ZCCHC24: variants seen among roughly 807,000 people sequenced by gnomAD.
ZCCHC24 encodes zinc finger CCHC domain-containing protein 24.
A neutral mutation model predicts 26.2 loss-of-function variants in ZCCHC24; 10 were observed. That is an observed-to-expected ratio of 0.38 (90% CI 0.24 to 0.65). The LOEUF (loss-of-function observed/expected upper bound fraction) is 0.65, where lower values mean the gene tolerates loss of function less well. ZCCHC24 is among the 30% of genes least tolerant of loss of function. The probability of loss-of-function intolerance (pLI) is 0.54; values close to 1 mark genes in which losing one functional copy is unlikely to be tolerated. For missense variants in ZCCHC24, 243 were observed against 329.1 expected, an observed-to-expected ratio of 0.74 and a Z score of 2.03; for synonymous variants, 144 against 147.1, an observed-to-expected ratio of 0.98 and a Z score of 0.15.
intron 2 of ZCCHC24, among the ~76,000 whole-genome samples, chr10:79,429,688 G>A (rs933719990): frequency 7.2e-5 from 11 of 152,174 alleles, no homozygotes; most frequent in African/African-American, 1.2e-4. Flanking sequence ...AGGCATATAC[G>A]AAAATCACTG....
At chr10:79,395,339 T>C (rs1239912397) in intron 2 of ZCCHC24, among the ~76,000 whole-genome samples, 1 of 152,258 alleles carries the variant, frequency 6.6e-6, no homozygotes, top group African/African-American at 2.4e-5. Flanking sequence ...ATTGACCAGT[T>C]ACTATTTTAG....
intron 2 of ZCCHC24, among the ~76,000 whole-genome samples, chr10:79,427,905 AGAAG>A (rs1228769605): frequency 6.6e-6 from 1 of 152,222 alleles, no homozygotes; most frequent in Non-Finnish European, 1.5e-5. Flanking sequence ...ATGAAAGGAT[AGAAG>A]GAAGGAAGGA....
At chr10:79,406,323 G>A (rs10740506) in intron 2 of ZCCHC24, among the ~76,000 whole-genome samples, 77,401 of 151,994 alleles carry the variant, frequency 0.51, 21,535 homozygotes, top group East Asian at 0.85. Context: ...CAGGTACAAA[G>A]GACACCTGTG....
intron 2 of ZCCHC24, among the ~76,000 whole-genome samples, chr10:79,417,871 G>A (rs997954261): frequency 1.3e-5 from 2 of 152,162 alleles, no homozygotes; most frequent in Non-Finnish European, 2.9e-5. Context: ...GTGTGTTGAG[G>A]AGCCATGTCT....
intron 1 of ZCCHC24, among the ~76,000 whole-genome samples, chr10:79,435,022 G>A (rs919727219): frequency 1.2e-4 from 18 of 151,780 alleles, no homozygotes; most frequent in African/African-American, 3.6e-4. Flanking sequence ...ATCTTGACTC[G>A]AAGACTTTCC....
chr10:79,430,595 A>G (rs1857110903), intron 2 of ZCCHC24, among the ~76,000 whole-genome samples: 2 of 152,052 alleles, frequency 1.3e-5, no homozygotes. Context: ...GGAAGGTGCC[A>G]GGGACCTTCT....
intron 2 of ZCCHC24, among the ~76,000 whole-genome samples, chr10:79,397,439 CATG>C (rs1222080898): frequency 6.6e-6 from 1 of 152,216 alleles, no homozygotes; most frequent in Non-Finnish European, 1.5e-5. Context: ...CAAGTTAGTG[CATG>C]TCCCTCTGAC....
At chr10:79,443,281 C>T (rs533170382) in intron 1 of ZCCHC24, among the ~76,000 whole-genome samples, 24 of 152,258 alleles carry the variant, frequency 1.6e-4, no homozygotes, top group African/African-American at 5.8e-4. Flanking sequence ...TCCTGGATGC[C>T]AGAAATTTTC....
In ZCCHC24 at chr10:79,383,797, T is replaced by A. The variant is rs189976119; in HGVS notation, c.*2548A>T. Reference sequence around the variant, plus strand: ...TTTCCAAAATACACACATATTTTTTTAAAAAAGGAATTCTGTGTCAAGTAT... The same window carrying A: ...TTTCCAAAATACACACATATTTTTTAAAAAAAGGAATTCTGTGTCAAGTAT... On this transcript the variant is annotated 3_prime_UTR_variant, in exon 4 of 4. Transcript: ENST00000372336. 0.021 allele frequency: 3,278 copies of A among 152,718 alleles called. 52 individuals are homozygous for A. The highest frequency in any genetic ancestry group is 0.034 in the Non-Finnish European group (2,317 of 67,996). The allele number at this position is 152,718 out of a possible 1,614,324, so 9.5% of individuals were successfully genotyped here. A position where few individuals can be genotyped will look rare whatever the true frequency, so the allele number is the denominator to read the frequency against.
rs1261913450 is a variant in ZCCHC24 at position 79,386,415 on chromosome 10, C to A, written c.656G>T (p.Ser219Ile). The A allele has an allele frequency of 6.2e-7, 1 of 1,610,632 alleles. No homozygotes were observed. The highest frequency in any genetic ancestry group is 1.3e-5 in the African/African-American group (1 of 74,878). Residue 219 changes from serine (S) to isoleucine (I), a missense_variant, in exon 4 of 4, where the codon AGC becomes ATC. This residue lies in a region of ZCCHC24 where 96 missense variants were observed against 178.3 expected (regional missense o/e 0.54). Transcript: ENST00000372336. ...KPDGLDVSDQ[S>I]KEHPQHLCEK... The stretch of plus-strand genomic sequence containing the variant: ...GCAGAGGTGCTGCGGGTGCTCCTTG[C>A]TCTGGTCGGACACGTCCAGGCCGTC...
chr10:79,438,847 A>G (rs981712587), intron 1 of ZCCHC24, among the ~76,000 whole-genome samples: 1 of 152,220 alleles, frequency 6.6e-6, no homozygotes, highest in African/African-American at 2.4e-5. Context: ...GCCCAGGGTC[A>G]CCACTCACCT....
At chr10:79,391,561 C>T (rs897819689) in intron 3 of ZCCHC24, among the ~76,000 whole-genome samples, 2 of 151,918 alleles carry the variant, frequency 1.3e-5, no homozygotes, top group African/African-American at 2.4e-5. Flanking sequence ...GGACTGTCAG[C>T]ACAGACCCCA....
rs994748064 is a variant in ZCCHC24 at position 79,396,063 on chromosome 10, G to A, written c.448-1623C>T. On this transcript the variant is annotated intron_variant, in intron 2 of 3. Coordinates refer to ENST00000372336, the MANE Select transcript of ZCCHC24 (RefSeq NM_153367.4). ...CCACTAGTGTACTTTCTGTCTGTCC[G>A]GATTTCCCCATTCTAGGTATTTAAT... Among the ~76,000 whole-genome samples the A allele has an allele frequency of 4.6e-5, 7 of 152,282 alleles. No individual in the cohort carries two copies. The East Asian group carries it at 7.7e-4, about 17-fold the overall frequency.
intron 2 of ZCCHC24, among the ~76,000 whole-genome samples, chr10:79,418,017 T>C (rs1394724608): frequency 1.3e-5 from 2 of 152,170 alleles, no homozygotes; most frequent in African/African-American, 4.8e-5. Context: ...GGCTCCACCC[T>C]GGGCAGCCAC....
intron 2 of ZCCHC24, among the ~76,000 whole-genome samples, chr10:79,428,409 TAAATTTCAGTTTTGCAAG>T (rs1857066237): frequency 6.7e-5 from 2 of 29,936 alleles, no homozygotes; most frequent in South Asian, 5.6e-4. Flanking sequence ...TTTTGCAAGA[TAAATTTCAGTTTTGCAAG>T]ATAAATTTCA....
intron 1 of ZCCHC24, among the ~76,000 whole-genome samples, chr10:79,435,366 G>A (rs564792055): frequency 1.2e-4 from 18 of 152,218 alleles, no homozygotes; most frequent in African/African-American, 3.6e-4. Context: ...CCCATCTTGC[G>A]GCCACAGTCC....
intron 3 of ZCCHC24, among the ~76,000 whole-genome samples, chr10:79,390,440 G>A (rs1316598797): frequency 6.6e-6 from 1 of 152,220 alleles, no homozygotes; most frequent in African/African-American, 2.4e-5. Context: ...AGGGTTAGGG[G>A]CAGCATGGGG....
intron 2 of ZCCHC24, among the ~76,000 whole-genome samples, chr10:79,407,967 T>C (rs1264864833): frequency 1.3e-5 from 2 of 152,196 alleles, no homozygotes; most frequent in African/African-American, 4.8e-5. Context: ...CTCCTCAGCA[T>C]CTGGAAACCA....
chr10:79,386,257 G>T lies in ZCCHC24; in HGVS notation c.*88C>A. ...GCCTGCGAGGGCACCCCATGCACAG[G>T]GCGACACGCAGCCCCTCGGAGTAGC... On this transcript the variant is annotated 3_prime_UTR_variant, in exon 4 of 4. Coordinates refer to ENST00000372336, the MANE Select transcript of ZCCHC24 (RefSeq NM_153367.4). 7.7e-7 allele frequency: 1 copy of T among 1,302,580 alleles called. No individual in the cohort carries two copies. Among genetic ancestry groups the T allele is most frequent in the Non-Finnish European group, 1.1e-6 (1 of 918,266 alleles). The allele number at this position is 1,302,580 out of a possible 1,614,324, so 80.7% of individuals were successfully genotyped here.
Sources: allele counts gnomAD v4.1 joint callset (sites outside exome capture counted in the v4.1 genomes callset), GRCh38; gene constraint gnomAD v4.1.1; regional missense constraint gnomAD v4.1.1; transcripts MANE v1.5; gene names NCBI Gene and HGNC (gene_info 2026-07-23, HGNC 2026-07-21).